MAP3K13: variants seen among roughly 807,000 people sequenced by gnomAD.
The protein encoded by MAP3K13 is mitogen-activated protein kinase kinase kinase 13.
Under a neutral mutation model 104.0 loss-of-function variants are expected in MAP3K13, and 52 were observed. The ratio of observed to expected loss-of-function variants is 0.50; its 90% CI spans 0.40 to 0.63. The LOEUF is 0.63. MAP3K13 is among the 20% of genes least tolerant of loss of function. The pLI, the probability that MAP3K13 is intolerant of heterozygous loss-of-function variation, is 0.00. For missense variants in MAP3K13, 914 were observed against 1,218.5 expected, an observed-to-expected ratio of 0.75 and a Z score of 3.72; for synonymous variants, 394 against 442.2, an observed-to-expected ratio of 0.89 and a Z score of 1.37.
intron 2 of MAP3K13, among the ~76,000 whole-genome samples, chr3:185,308,009 C>CTTTTTTTTTTTTTTTTTTTTTTT (rs33949195): frequency 4.1e-4 from 13 of 31,564 alleles, no homozygotes; most frequent in Non-Finnish European, 4.0e-4. Context: ...TCTTTGGGGT[C>CTTTTTTTTTTTTTTTTTTTTTTT]TTTTTTTTTT....
intron 12 of MAP3K13, among the ~76,000 whole-genome samples, chr3:185,478,964 TTTA>T (rs1170378352): frequency 2.6e-5 from 4 of 151,986 alleles, no homozygotes; most frequent in Non-Finnish European, 2.9e-5. Context: ...AAAGGAAGTC[TTTA>T]TTATTTGTTT....
intron 1 of MAP3K13, among the ~76,000 whole-genome samples, chr3:185,405,242 T>C (rs1365126901): frequency 6.6e-6 from 1 of 152,248 alleles, no homozygotes; most frequent in African/African-American, 2.4e-5. Context: ...AAGGTATATA[T>C]GCATTATTTA....
Position 185,428,565 on chromosome 3 carries a change from G to GTTA in MAP3K13, c.-15_-13dup, listed in dbSNP as rs750139743. On this transcript the variant is annotated 5_prime_UTR_variant, in exon 2 of 14. Coordinates refer to ENST00000265026, the MANE Select transcript of MAP3K13 (RefSeq NM_004721.5). Reference sequence around the variant, plus strand: ...TTCTGAGTGTCATCTCAGGACTTTGGTTATACTCATGGCACGATGGCCAAC... The same window carrying GTTA: ...TTCTGAGTGTCATCTCAGGACTTTGGTTATTATACTCATGGCACGATGGCCAAC... 1.9e-6 allele frequency: 3 copies of GTTA among 1,560,636 alleles called. No homozygotes were observed.
chr3:185,421,359 A>G (rs1714117430), intron 1 of MAP3K13, among the ~76,000 whole-genome samples: 1 of 151,636 alleles, frequency 6.6e-6, no homozygotes, highest in Admixed American at 6.6e-5. Context: ...CACCATGCCC[A>G]GCTAATTTTT....
intron 2 of MAP3K13, among the ~76,000 whole-genome samples, chr3:185,431,283 T>C (rs1714728481): frequency 6.6e-6 from 1 of 152,234 alleles, no homozygotes; most frequent in Non-Finnish European, 1.5e-5. Context: ...GTCTTAAGTA[T>C]AATTCTTCAG....
At chr3:185,404,065 C>G (rs1712968438) in intron 1 of MAP3K13, among the ~76,000 whole-genome samples, 1 of 152,226 alleles carries the variant, frequency 6.6e-6, no homozygotes, top group Non-Finnish European at 1.5e-5. Context: ...CCTAGGCACT[C>G]AGCAAGTGAT....
intron 2 of MAP3K13, among the ~76,000 whole-genome samples, chr3:185,430,304 C>T (rs1160114257): frequency 1.3e-5 from 2 of 151,904 alleles, no homozygotes; most frequent in Non-Finnish European, 2.9e-5. Flanking sequence ...TTCTTTATAA[C>T]CTCATTTTTT....
rs201580705 is a variant in MAP3K13, at chr3:185,443,122, C to G, written c.660-323C>G. 2.0e-5 allele frequency among the ~76,000 whole-genome samples: 3 copies of G among 152,086 alleles called. No individual in the cohort carries two copies. In the East Asian group the frequency reaches 5.8e-4, roughly 29 times the overall value. On this transcript the variant is annotated intron_variant, in intron 3 of 13. Coordinates refer to ENST00000265026, the MANE Select transcript of MAP3K13 (RefSeq NM_004721.5). The stretch of plus-strand genomic sequence containing the variant: ...CCAAATTATTCTTAATGATCTAAAA[C>G]AACACAGTATCCAGCCTGCACAAAC...
At chr3:185,302,308 G>A (rs1366807799) in intron 2 of MAP3K13, among the ~76,000 whole-genome samples, 2 of 152,124 alleles carry the variant, frequency 1.3e-5, no homozygotes, top group Non-Finnish European at 2.9e-5. Context: ...AGCTACCTGG[G>A]AGGCTGAAGC....
intron 1 of MAP3K13, among the ~76,000 whole-genome samples, chr3:185,399,531 C>T (rs1222643379): frequency 2.0e-5 from 3 of 150,120 alleles, no homozygotes; most frequent in Non-Finnish European, 3.0e-5. Context: ...TCTCTTGAAC[C>T]CAGGAGGCAA....
chr3:185,313,471 G>C (rs1242264090), intron 2 of MAP3K13, among the ~76,000 whole-genome samples: 1 of 151,834 alleles, frequency 6.6e-6, no homozygotes, highest in Non-Finnish European at 1.5e-5. Flanking sequence ...GAGTTTCGCT[G>C]TGTTAGCCAG....
chr3:185,397,540 C>T (rs1042358795), intron 1 of MAP3K13, among the ~76,000 whole-genome samples: 2 of 152,186 alleles, frequency 1.3e-5, no homozygotes, highest in Non-Finnish European at 2.9e-5. Flanking sequence ...ATAGAAAATA[C>T]TTATGTTGCT....
intron 10 of MAP3K13, 132 bp downstream of exon 10, chr3:185,467,095 G>C: frequency 1.0e-6 from 1 of 954,674 alleles, no homozygotes; most frequent in Non-Finnish European, 1.6e-6. Context: ...CAGTACTCTA[G>C]GTAAAACAGA....
At chr3:185,321,414 T>C (rs1275646325) in intron 2 of MAP3K13, among the ~76,000 whole-genome samples, 1 of 152,202 alleles carries the variant, frequency 6.6e-6, no homozygotes, top group Non-Finnish European at 1.5e-5. Context: ...AGCATGTAGC[T>C]AAGCTCTAGC....
chr3:185,346,877 TTAGTATG>T (rs1722944344), intron 2 of MAP3K13, among the ~76,000 whole-genome samples: 9 of 152,176 alleles, frequency 5.9e-5, no homozygotes, highest in African/African-American at 2.2e-4. Flanking sequence ...CTCTGCCTTA[TTAGTATG>T]CTTATCTATC....
chr3:185,405,931 A>C lies in MAP3K13; in HGVS notation c.-85-22566A>C, dbSNP rs1243927215. ...TACTGAGTGAGGGAACTGGAAAAGC[A>C]CTGAGTGTTAATTCTCTAAAGTGAA... On this transcript the variant is annotated intron_variant, in intron 1 of 13. Coordinates refer to ENST00000265026, the MANE Select transcript of MAP3K13 (RefSeq NM_004721.5). Among the ~76,000 whole-genome samples, 5 of 152,232 alleles carry C rather than the reference A, an allele frequency of 3.3e-5. 1 individual carries two copies. The highest frequency in any genetic ancestry group is 3.3e-4 in the Admixed American group (5 of 15,284).
intron 7 of MAP3K13, among the ~76,000 whole-genome samples, chr3:185,460,684 A>G (rs904627621): frequency 2.0e-5 from 3 of 152,230 alleles, no homozygotes; most frequent in Non-Finnish European, 2.9e-5. Context: ...TGCCAGGAAT[A>G]GGATACCTTC....
At chr3:185,411,781 C>CTTT (rs67723912) in intron 1 of MAP3K13, among the ~76,000 whole-genome samples, 3 of 94,032 alleles carry the variant, frequency 3.2e-5, no homozygotes, top group Non-Finnish European at 6.5e-5. Context: ...GCAGTTATGT[C>CTTT]TTTTTTTTTT....
At chr3:185,458,028 A>C in intron 7 of MAP3K13, among the ~76,000 whole-genome samples, 1 of 152,146 alleles carries the variant, frequency 6.6e-6, no homozygotes, top group East Asian at 1.9e-4. Flanking sequence ...TGAAAAGATA[A>C]AACTGCAAAT....
Sources: allele counts gnomAD v4.1 joint callset (sites outside exome capture counted in the v4.1 genomes callset), GRCh38; gene constraint gnomAD v4.1.1; transcripts MANE v1.5; gene names NCBI Gene and HGNC (gene_info 2026-07-23, HGNC 2026-07-21).